The following ATRNL1 variants were observed in gnomAD, a reference collection of about 807,000 sequenced individuals.
ATRNL1 encodes the protein attractin-like protein 1.
A neutral mutation model predicts 182.7 loss-of-function variants in ATRNL1; 95 were observed. The observed-to-expected ratio is 0.52, with a 90% CI of 0.44 to 0.62. ATRNL1 has a LOEUF of 0.62. Ranked by LOEUF, ATRNL1 falls within the 20% of genes least tolerant of loss-of-function variation. ATRNL1 has a pLI of 0.00. For synonymous variants in ATRNL1, 576 were observed against 568.3 expected, an observed-to-expected ratio of 1.01 and a Z score of -0.19; for missense variants, 1,471 against 1,679.5, an observed-to-expected ratio of 0.88 and a Z score of 2.17.
rs1352208289 is a variant in ATRNL1 at position 115,825,406 on chromosome 10, A to G, written c.3904-22471A>G. ...AACAAACCTGCACGTTCTTCTGCAC[A>G]TGCATCCCAGAACTTAATGTATAAT... On this transcript the variant is annotated intron_variant, in intron 27 of 28. Transcript: ENST00000355044. Among the ~76,000 whole-genome samples the G allele has an allele frequency of 4.6e-5, 7 of 152,264 alleles. No homozygotes were observed. In the East Asian group the frequency reaches 5.8e-4, roughly 13 times the overall value.
intron 17 of ATRNL1, among the ~76,000 whole-genome samples, chr10:115,311,179 T>C (rs923323372): frequency 7.7e-5 from 11 of 141,980 alleles, no homozygotes; most frequent in Non-Finnish European, 1.3e-4. Flanking sequence ...AGATACTTGA[T>C]ATGATTTAGA....
chr10:115,827,075 G>A (rs982818877), intron 27 of ATRNL1, among the ~76,000 whole-genome samples: 1 of 152,104 alleles, frequency 6.6e-6, no homozygotes, highest in African/African-American at 2.4e-5. Flanking sequence ...AGATTCCTTT[G>A]CAAAACTGGA....
chr10:115,694,376 G>A (rs1946487849), intron 26 of ATRNL1, among the ~76,000 whole-genome samples: 1 of 151,970 alleles, frequency 6.6e-6, no homozygotes. Context: ...ATTTATTATA[G>A]AAAGACTTTG....
chr10:115,411,719 AATT>A (rs1273255001), intron 20 of ATRNL1, among the ~76,000 whole-genome samples: 1 of 152,100 alleles, frequency 6.6e-6, no homozygotes, highest in African/African-American at 2.4e-5. Flanking sequence ...TTGTTTAAGG[AATT>A]ATTATTTATA....
At chr10:115,911,932 C>T (rs1180581223) in intron 28 of ATRNL1, among the ~76,000 whole-genome samples, 2 of 152,196 alleles carry the variant, frequency 1.3e-5, no homozygotes, top group East Asian at 1.9e-4. Flanking sequence ...TCATTCTGTG[C>T]TCAAAGGAAG....
In ATRNL1 at chr10:115,494,869, A is replaced by T. The variant is rs186638046; in HGVS notation, c.3655-24394A>T. 7.2e-5 allele frequency among the ~76,000 whole-genome samples: 11 copies of T among 152,270 alleles called. No individual in the cohort carries two copies. In the East Asian group the frequency reaches 2.1e-3, roughly 29 times the overall value. On this transcript the variant is annotated intron_variant, in intron 24 of 28. Transcript: ENST00000355044. ...ACTGGCCTTGTAGAATGAGTTAGAG[A>T]GGAGTCCCTCCTTCTAAAATTTTGG...
intron 28 of ATRNL1, among the ~76,000 whole-genome samples, chr10:115,902,080 T>C (rs1485672555): frequency 6.6e-6 from 1 of 152,218 alleles, no homozygotes; most frequent in Admixed American, 6.5e-5. Context: ...TGTACAGCCT[T>C]TGTTTTAATA....
At chr10:115,932,060 T>C (rs1476604990) in intron 28 of ATRNL1, among the ~76,000 whole-genome samples, 1 of 152,198 alleles carries the variant, frequency 6.6e-6, no homozygotes, top group African/African-American at 2.4e-5. Context: ...TTCTGACACT[T>C]CTCAATCTAT....
intron 25 of ATRNL1, among the ~76,000 whole-genome samples, chr10:115,543,027 G>T (rs1298329703): frequency 6.6e-6 from 1 of 152,108 alleles, no homozygotes; most frequent in Non-Finnish European, 1.5e-5. Context: ...GCCACACTGG[G>T]GGGTTAGGGC....
chr10:115,867,955 G>A lies in ATRNL1; in HGVS notation c.4018+19964G>A, dbSNP rs1420553499. Among the ~76,000 whole-genome samples the A allele has an allele frequency of 2.0e-5, 3 of 151,938 alleles. No homozygotes were observed. In the East Asian group the frequency reaches 5.8e-4, roughly 29 times the overall value. Reference sequence around the variant, plus strand: ...TTTTTTTGTATTTTAGTAGTGATGGGGTTTTGCCATGTTGGTGAGGCTGGT... The same window carrying A: ...TTTTTTTGTATTTTAGTAGTGATGGAGTTTTGCCATGTTGGTGAGGCTGGT... On this transcript the variant is annotated intron_variant, in intron 28 of 28. Coordinates refer to ENST00000355044, the MANE Select transcript of ATRNL1 (RefSeq NM_207303.4).
At chr10:115,230,244 GATA>G (rs1849867872) in intron 9 of ATRNL1, among the ~76,000 whole-genome samples, 1 of 152,158 alleles carries the variant, frequency 6.6e-6, no homozygotes, top group Non-Finnish European at 1.5e-5. Flanking sequence ...TATTTTAAAT[GATA>G]ATAAGTGCTA....
rs967244312 is a variant in ATRNL1 at position 115,093,801 on chromosome 10, G to C, written c.51G>C (p.Pro17=). The change falls in exon 1 of 29, where the codon CCG becomes CCC. Residue 17 remains proline (P), a synonymous_variant. Coordinates refer to ENST00000355044, the MANE Select transcript of ATRNL1 (RefSeq NM_207303.4). This position sits in a 1 kb window ranked among gnomAD's most constrained non-coding sequence, Gnocchi z 6.1. ...ARTGTPQPAA[P]GVWRARPAGG... ...CTGGTACCCCGCAGCCAGCGGCCCCGGGGGTGTGGAGGGCTCGGCCGGCGG... is the reference window on the plus strand; with the variant it reads ...CTGGTACCCCGCAGCCAGCGGCCCCCGGGGTGTGGAGGGCTCGGCCGGCGG... 4.8e-6 allele frequency: 7 copies of C among 1,470,678 alleles called. No homozygotes were observed. The highest frequency in any genetic ancestry group is 6.3e-6 in the Non-Finnish European group (7 of 1,114,288). 91.1% of individuals were successfully genotyped at this position (1,470,678 alleles called of 1,614,324 possible).
At chr10:115,542,245 TAGCCTCAAAATCTGTTAC>T (rs1852399635) in intron 25 of ATRNL1, among the ~76,000 whole-genome samples, 1 of 152,168 alleles carries the variant, frequency 6.6e-6, no homozygotes, top group African/African-American at 2.4e-5. Context: ...AGATGCTCTG[TAGCCTCAAAATCTGTTAC>T]AGATTTTGAG....
At chr10:115,374,933 A>T (rs979551653) in intron 19 of ATRNL1, among the ~76,000 whole-genome samples, 25 of 151,792 alleles carry the variant, frequency 1.6e-4, no homozygotes, top group Non-Finnish European at 2.7e-4. Flanking sequence ...TTTGAGAAGA[A>T]TGTGTATGCT....
chr10:115,520,526 G>C (rs57278427), intron 25 of ATRNL1, among the ~76,000 whole-genome samples: 4,236 of 152,268 alleles, frequency 0.028, 227 homozygotes, highest in African/African-American at 0.098. Context: ...AAAACAGCTG[G>C]TGGATTGAAT....
chr10:115,512,123 G>A (rs1850415805), intron 24 of ATRNL1, among the ~76,000 whole-genome samples: 1 of 151,804 alleles, frequency 6.6e-6, no homozygotes, highest in African/African-American at 2.4e-5. Context: ...AATGGAAAAC[G>A]TTATTTGCAA....
intron 26 of ATRNL1, among the ~76,000 whole-genome samples, chr10:115,710,836 T>C (rs1410660862): frequency 1.3e-5 from 2 of 152,140 alleles, no homozygotes; most frequent in African/African-American, 4.8e-5. Flanking sequence ...TCAGTTTAAG[T>C]AATGGTATTA....
chr10:115,924,195 G>T (rs1293812334), intron 28 of ATRNL1, among the ~76,000 whole-genome samples: 1 of 152,082 alleles, frequency 6.6e-6, no homozygotes, highest in African/African-American at 2.4e-5. Flanking sequence ...CCATTCTGTA[G>T]GTTGACTGTT....
At chr10:115,664,881 C>T (rs1860910994) in intron 26 of ATRNL1, among the ~76,000 whole-genome samples, 1 of 152,098 alleles carries the variant, frequency 6.6e-6, no homozygotes, top group African/African-American at 2.4e-5. Context: ...TCACCTTGCC[C>T]TGTGTCAAGC....
Sources: allele counts gnomAD v4.1 joint callset (sites outside exome capture counted in the v4.1 genomes callset), GRCh38; gene constraint gnomAD v4.1.1; non-coding constraint Gnocchi (gnomAD v3.1); transcripts MANE v1.5; gene names NCBI Gene and HGNC (gene_info 2026-07-23, HGNC 2026-07-21).